Variants in KAT6B observed in about 807,000 individuals in gnomAD.
KAT6B encodes lysine acetyltransferase 6B, also known as histone acetyltransferase KAT6B.
KAT6B carries 10 observed loss-of-function variants against 187.5 expected under a neutral mutation model. The observed-to-expected ratio is 0.05, with a 90% CI of 0.03 to 0.09. The LOEUF (loss-of-function observed/expected upper bound fraction) is 0.09. Among genes scored for constraint, KAT6B ranks in the 10% least tolerant of loss-of-function variants. KAT6B has a pLI of 1.00. For missense variants in KAT6B, 1,952 were observed against 2,558.9 expected (o/e 0.76, Z 5.12); for synonymous variants, 861 against 926.8 (o/e 0.93, Z 1.29).
chr10:74,859,693 A>C (rs1843044099), intron 3 of KAT6B, among the ~76,000 whole-genome samples: 1 of 152,244 alleles, frequency 6.6e-6, no homozygotes, highest in Non-Finnish European at 1.5e-5. Context: ...AGAGCTGATA[A>C]AAAAGATGAT....
intron 13 of KAT6B, among the ~76,000 whole-genome samples, chr10:75,019,764 C>CTTTT: frequency 7.7e-6 from 1 of 129,422 alleles, no homozygotes; most frequent in South Asian, 2.5e-4. Context: ...GGGCTGGTTT[C>CTTTT]TTTTTTTTTT....
chr10:74,961,506 G>A (rs374800026), intron 4 of KAT6B, among the ~76,000 whole-genome samples: 11 of 152,260 alleles, frequency 7.2e-5, no homozygotes, highest in African/African-American at 2.6e-4. Context: ...GGGAAGAAAA[G>A]TTCCCTTCAT....
At chr10:75,006,107 TAAACA>T (rs999258345) in intron 13 of KAT6B, among the ~76,000 whole-genome samples, 1 of 152,134 alleles carries the variant, frequency 6.6e-6, no homozygotes, top group Non-Finnish European at 1.5e-5. Context: ...GTTATTTCTG[TAAACA>T]AAACAAAAGT....
chr10:74,893,572 C>T (rs1449703274), intron 3 of KAT6B, among the ~76,000 whole-genome samples: 6 of 151,684 alleles, frequency 4.0e-5, no homozygotes, highest in East Asian at 1.9e-4. Flanking sequence ...GGGGTTCAAG[C>T]GATTCTCCTG....
chr10:74,946,308 A>G (rs73287712), intron 3 of KAT6B, among the ~76,000 whole-genome samples: 101 of 152,184 alleles, frequency 6.6e-4, no homozygotes, highest in African/African-American at 2.4e-3. Flanking sequence ...GGTGATTTGC[A>G]TTTTCTTTTT....
At chr10:74,969,281 A>G (rs1450469273) in intron 4 of KAT6B, among the ~76,000 whole-genome samples, 1 of 151,642 alleles carries the variant, frequency 6.6e-6, no homozygotes, top group Non-Finnish European at 1.5e-5. Context: ...AACTTTGGCA[A>G]CTCCCCTCAG....
chr10:75,002,162 TA>T (rs1159697078), intron 13 of KAT6B, among the ~76,000 whole-genome samples: 1 of 152,114 alleles, frequency 6.6e-6, no homozygotes, highest in Non-Finnish European at 1.5e-5. Context: ...AGGAGCTGTG[TA>T]AATTCTGTCA....
chr10:75,021,772 T>G, intron 15 of KAT6B, 109 bp from the exon 16 acceptor site: 1 of 1,111,918 alleles, frequency 9.0e-7, no homozygotes, highest in South Asian at 1.3e-5. Context: ...CTTGGCTGGC[T>G]GGCTGTCCTG....
At chr10:74,992,168 G>A (rs1431027654) in intron 13 of KAT6B, among the ~76,000 whole-genome samples, 1 of 152,128 alleles carries the variant, frequency 6.6e-6, no homozygotes, top group Non-Finnish European at 1.5e-5. Context: ...AGTCAAATGA[G>A]GTTGTAAATC....
intron 13 of KAT6B, among the ~76,000 whole-genome samples, chr10:75,000,835 T>C (rs1868628): frequency 0.31 from 47,572 of 152,034 alleles, 12,932 homozygotes; most frequent in African/African-American, 0.72. Flanking sequence ...TTCGGGGAAT[T>C]CCCTTTGCTG....
chr10:74,999,522 A>G (rs1418223267), intron 13 of KAT6B, among the ~76,000 whole-genome samples: 2 of 152,198 alleles, frequency 1.3e-5, no homozygotes, highest in East Asian at 3.8e-4. Context: ...CGCCAAGGAA[A>G]TTTGCAAAGG....
chr10:74,976,148 C>T lies in KAT6B; in HGVS notation c.1811C>T (p.Ser604Phe). ...RSRFISHSSSSSWGMARGSIF... is the reference protein window; with the variant it reads ...RSRFISHSSSFSWGMARGSIF... ...CGGTTTATTTCTCACTCCTCCTCCTCTAGCTGGGGGATGGCTAGAGGAAGT... is the reference window on the plus strand; with the variant it reads ...CGGTTTATTTCTCACTCCTCCTCCTTTAGCTGGGGGATGGCTAGAGGAAGT... Residue 604 changes from serine (S) to phenylalanine (F), a missense_variant, in exon 8 of 18, where the codon TCT becomes TTT. Around this residue, in one of 9 missense-constraint regions of KAT6B, gnomAD observed 417 missense variants for 508.9 expected, o/e 0.82. Transcript: ENST00000287239. 1.2e-6 allele frequency: 2 copies of T among 1,614,210 alleles called. No homozygotes were observed. The highest frequency in any genetic ancestry group is 1.7e-6 in the Non-Finnish European group (2 of 1,180,024).
intron 3 of KAT6B, among the ~76,000 whole-genome samples, chr10:74,864,986 A>C (rs555454387): frequency 2.6e-5 from 4 of 152,226 alleles, no homozygotes; most frequent in Non-Finnish European, 5.9e-5. Flanking sequence ...TTTTAGATAT[A>C]TAAGACATAT....
At position 75,021,942 on chromosome 10, in the gene KAT6B, C is replaced by G. The variant is rs767775709; in HGVS notation, c.3083C>G (p.Thr1028Ser). The change falls in exon 16 of 18, where the codon ACT (threonine) becomes AGT (serine). Residue 1028 changes from threonine to serine, a missense_variant. Transcript: ENST00000287239. ...AAGGAGGAACAAGAAATCCTGTCAACTAGAGCTAACAGTAGGCAATCACCT... is the reference window on the plus strand; with the variant it reads ...AAGGAGGAACAAGAAATCCTGTCAAGTAGAGCTAACAGTAGGCAATCACCT... The part of the protein sequence containing the change: ...WEKEEQEILS[T>S]RANSRQSPAK... 6.2e-7 allele frequency: 1 copy of G among 1,614,032 alleles called. No individual in the cohort carries two copies. Among genetic ancestry groups the G allele is most frequent in the Non-Finnish European group, 8.5e-7 (1 of 1,180,036 alleles).
intron 1 of KAT6B, among the ~76,000 whole-genome samples, chr10:74,832,143 T>C (rs976626590): frequency 2.0e-5 from 3 of 152,248 alleles, no homozygotes; most frequent in Admixed American, 1.3e-4. Flanking sequence ...CTTAAAAATG[T>C]ATACCAGTGT....
At chr10:74,984,840 T>C in intron 11 of KAT6B, 1 of 507,426 alleles carries the variant, frequency 2.0e-6, no homozygotes, top group Non-Finnish European at 3.5e-6. Context: ...CTTTGGTAGC[T>C]TAAAGAGAAA....
At chr10:74,928,162 A>G (rs1235313559) in intron 3 of KAT6B, among the ~76,000 whole-genome samples, 1 of 152,240 alleles carries the variant, frequency 6.6e-6, no homozygotes, top group Non-Finnish European at 1.5e-5. Flanking sequence ...ATCCAACTCT[A>G]TAAATTAGGA....
upstream of KAT6B, among the ~76,000 whole-genome samples, chr10:74,824,965 C>A (rs1425566698): frequency 6.6e-6 from 1 of 152,142 alleles, no homozygotes; most frequent in Non-Finnish European, 1.5e-5. Flanking sequence ...CAGCTCCTCG[C>A]AGGCAGGGAG....
chr10:74,868,900 A>G (rs560672488), intron 3 of KAT6B, among the ~76,000 whole-genome samples: 3 of 152,314 alleles, frequency 2.0e-5, no homozygotes, highest in South Asian at 4.1e-4. Flanking sequence ...TGGCTGGGCC[A>G]TATTGGAGTC....
Sources: gnomAD v4.1 joint callset for allele counts (sites outside exome capture counted in the v4.1 genomes callset) on GRCh38, gnomAD v4.1.1 for gene constraint, gnomAD v4.1.1 regional missense constraint, MANE v1.5 for transcripts, NCBI Gene and HGNC (gene_info 2026-07-23, HGNC 2026-07-21) for gene names.